Variants in CWH43 observed in about 807,000 individuals in gnomAD.
The protein encoded by CWH43 is cell wall biogenesis 43 C-terminal homolog.
A neutral mutation model predicts 85.7 loss-of-function variants in CWH43; 91 were observed. That is an observed-to-expected ratio of 1.06 (90% CI 0.90 to 1.26). The LOEUF is 1.26. Among genes scored for constraint, CWH43 ranks in the 50% most tolerant of loss-of-function variants. CWH43 has a pLI of 0.00. For missense variants in CWH43, 869 were observed against 839.2 expected (o/e 1.04, Z -0.44); for synonymous variants, 323 against 293.6 (o/e 1.10, Z -1.02).
At chr4:49,044,925 C>A in intron 14 of CWH43, 78 bp downstream of exon 14, 2 of 1,147,888 alleles carry the variant, frequency 1.7e-6, no homozygotes, top group African/African-American at 1.6e-5. Flanking sequence ...GGAAAAAGAA[C>A]TTTATGGAAG....
chr4:49,048,899 A>G (rs1015310501), intron 14 of CWH43, among the ~76,000 whole-genome samples: 1 of 152,154 alleles, frequency 6.6e-6, no homozygotes, highest in Non-Finnish European at 1.5e-5. Flanking sequence ...CCACAAAACT[A>G]ATTTTGTAAG....
intron 9 of CWH43, among the ~76,000 whole-genome samples, chr4:49,018,455 G>A (rs928869646): frequency 2.0e-5 from 3 of 152,184 alleles, no homozygotes; most frequent in Non-Finnish European, 4.4e-5. Context: ...AGCAATGTGA[G>A]ATTCTTTAGG....
Position 49,003,907 on chromosome 4 carries a change from A to G in CWH43, c.975A>G (p.Leu325=), listed in dbSNP as rs2109761324. ...TMTIAMIFYL[L]EIFFCAWCTA... is the part of the protein sequence containing the mutation. ...CCATTGCCATGATATTTTATCTTCT[A>G]GAAATATTTTTCTGTGCCTGGTGCA... Residue 325 remains leucine (L), a synonymous_variant, in exon 7 of 16, where the codon CTA becomes CTG. Coordinates refer to ENST00000226432, the MANE Select transcript of CWH43 (RefSeq NM_025087.3). 6.2e-7 allele frequency: 1 copy of G among 1,613,876 alleles called. No individual in the cohort carries two copies. The highest frequency in any genetic ancestry group is 1.7e-4 in the Middle Eastern group (1 of 6,056).
chr4:49,011,628 C>T (rs1347368710), intron 8 of CWH43, among the ~76,000 whole-genome samples: 3 of 152,118 alleles, frequency 2.0e-5, no homozygotes, highest in Non-Finnish European at 4.4e-5. Flanking sequence ...ACCGGTTGTT[C>T]CTGTCCATGT....
At chr4:49,023,110 C>T (rs141370620) in intron 9 of CWH43, among the ~76,000 whole-genome samples, 3,619 of 151,976 alleles carry the variant, frequency 0.024, 83 homozygotes, top group Non-Finnish European at 0.032. Context: ...TTCTCTAGTT[C>T]CTTGAGTTGT....
intron 13 of CWH43, among the ~76,000 whole-genome samples, chr4:49,039,320 T>TG (rs1784367564): frequency 0.011 from 334 of 30,234 alleles, 72 homozygotes; most frequent in Admixed American, 0.047. Context: ...TATATATATA[T>TG]ATATATATAT....
At chr4:49,002,463 C>T (rs1783020826) in intron 6 of CWH43, among the ~76,000 whole-genome samples, 1 of 152,032 alleles carries the variant, frequency 6.6e-6, no homozygotes, top group South Asian at 2.1e-4. Context: ...TGGTACAATT[C>T]CATTTATGTA....
At chr4:49,049,713 C>A (rs1384988333) in intron 14 of CWH43, among the ~76,000 whole-genome samples, 1 of 152,190 alleles carries the variant, frequency 6.6e-6, no homozygotes, top group Non-Finnish European at 1.5e-5. Flanking sequence ...CTTCCCTAAA[C>A]ACCATTCCTC....
In CWH43 at chr4:49,057,367, G is replaced by A. The variant is rs116375644; in HGVS notation, c.2022-4445G>A. ...CAGAAAGGAGGCTTTCAGTTCATAT[G>A]TAAGAGACAAATGGTTGCATTCTTT... On this transcript the variant is annotated intron_variant, in intron 15 of 15. Transcript: ENST00000226432. 2.9e-3 allele frequency among the ~76,000 whole-genome samples: 437 copies of A among 152,330 alleles called. 3 individuals carry two copies. Among genetic ancestry groups the A allele is most frequent in the African/African-American group, 0.01 (425 of 41,582 alleles).
Position 48,992,853 on chromosome 4 carries a change from C to T in CWH43, c.511+763C>T, listed in dbSNP as rs1782698460. Among the ~76,000 whole-genome samples the T allele has an allele frequency of 6.6e-6, 1 of 152,154 alleles. No individual in the cohort carries two copies. Among genetic ancestry groups the T allele is most frequent in the African/African-American group, 2.4e-5 (1 of 41,426 alleles). The stretch of plus-strand genomic sequence containing the variant: ...CACCAAAAAGTGCTTGTATAATTCC[C>T]CCTGTGGCCCCTAGTTTGGCATGAA... On this transcript the variant is annotated intron_variant, in intron 4 of 15. Coordinates refer to ENST00000226432, the MANE Select transcript of CWH43 (RefSeq NM_025087.3). This position sits in a 1 kb window ranked among gnomAD's most constrained non-coding sequence, Gnocchi z 4.3.
intron 12 of CWH43, among the ~76,000 whole-genome samples, chr4:49,036,701 C>T (rs1784271536): frequency 6.6e-6 from 1 of 152,212 alleles, no homozygotes; most frequent in African/African-American, 2.4e-5. Context: ...AACTGCATTT[C>T]CCACAGTCCC....
intron 14 of CWH43, among the ~76,000 whole-genome samples, chr4:49,048,555 G>T (rs1784701869): frequency 6.6e-6 from 1 of 152,072 alleles, no homozygotes; most frequent in South Asian, 2.1e-4. Flanking sequence ...TACCAGCAGG[G>T]TTGGTGTCTG....
intron 6 of CWH43, 48 bp from the exon 7 acceptor site, chr4:49,003,687 C>G (rs1783064244): frequency 1.9e-6 from 3 of 1,604,890 alleles, no homozygotes; most frequent in East Asian, 4.5e-5. Flanking sequence ...TGGTCATCCT[C>G]TAAGCTCGAC....
rs536124177 is a variant in CWH43 at position 49,044,384 on chromosome 4, G to A, written c.1804-402G>A. Among the ~76,000 whole-genome samples, 10 of 152,306 alleles carry A rather than the reference G, an allele frequency of 6.6e-5. No homozygotes were observed. The East Asian group carries it at 1.7e-3, about 26-fold the overall frequency. On this transcript the variant is annotated intron_variant, in intron 13 of 15. Coordinates refer to ENST00000226432, the MANE Select transcript of CWH43 (RefSeq NM_025087.3). ...GCAGGTGTGGGAGGATGGAGACATA[G>A]AAACAGATACCTGGCACGATGGCAT...
chr4:49,025,605 T>A (rs1333862514), intron 9 of CWH43, among the ~76,000 whole-genome samples: 1 of 152,208 alleles, frequency 6.6e-6, no homozygotes, highest in Non-Finnish European at 1.5e-5. Flanking sequence ...AGAGCTGAAC[T>A]GCAGTGATTA....
intron 10 of CWH43, among the ~76,000 whole-genome samples, chr4:49,030,486 T>A (rs577229574): frequency 2.6e-5 from 4 of 152,360 alleles, no homozygotes; most frequent in African/African-American, 9.6e-5. Flanking sequence ...TAAAATGCTA[T>A]GGTGCACCAT....
At chr4:49,053,229 A>G (rs1784852523) in intron 15 of CWH43, among the ~76,000 whole-genome samples, 1 of 152,204 alleles carries the variant, frequency 6.6e-6, no homozygotes, top group South Asian at 2.1e-4. Flanking sequence ...TTTCTTGGCT[A>G]TAGTGAAAAA....
At chr4:49,020,167 T>G (rs1240906116) in intron 9 of CWH43, among the ~76,000 whole-genome samples, 2 of 152,040 alleles carry the variant, frequency 1.3e-5, no homozygotes, top group Non-Finnish European at 2.9e-5. Context: ...CTCCCACCCT[T>G]TAATAAGCAA....
At chr4:49,058,757 T>C (rs1785047643) in intron 15 of CWH43, among the ~76,000 whole-genome samples, 1 of 152,232 alleles carries the variant, frequency 6.6e-6, no homozygotes, top group South Asian at 2.1e-4. Flanking sequence ...GGCAGTTGCT[T>C]TCTTTTAGCA....
Sources: allele counts gnomAD v4.1 joint callset (sites outside exome capture counted in the v4.1 genomes callset), GRCh38; gene constraint gnomAD v4.1.1; non-coding constraint Gnocchi (gnomAD v3.1); transcripts MANE v1.5; gene names NCBI Gene and HGNC (gene_info 2026-07-23, HGNC 2026-07-21).